The following DLGAP2 variants were observed in gnomAD, a reference collection of about 807,000 sequenced individuals.
DLGAP2 encodes the protein DLG associated protein 2, also known as disks large-associated protein 2.
DLGAP2 carries 26 observed loss-of-function variants against 100.3 expected under a neutral mutation model. That is an observed-to-expected ratio of 0.26 (90% CI 0.19 to 0.36). DLGAP2 has a LOEUF of 0.36. Ranked by LOEUF, DLGAP2 falls within the 10% of genes least tolerant of loss-of-function variation. The pLI, the probability that DLGAP2 is intolerant of heterozygous loss-of-function variation, is 1.00. For missense variants in DLGAP2, 1,858 were observed against 1,453.2 expected, an observed-to-expected ratio of 1.28 and a Z score of -4.53; for synonymous variants, 886 against 630.1, an observed-to-expected ratio of 1.41 and a Z score of -6.08.
At chr8:1,511,686 A>G (rs1321823560) in intron 4 of DLGAP2, among the ~76,000 whole-genome samples, 172 of 135,762 alleles carry the variant, frequency 1.3e-3, no homozygotes, top group African/African-American at 2.8e-3. Flanking sequence ...AGGACAATCA[A>G]TAGATGACCA....
At chr8:1,670,387 C>A (rs980127279) in intron 10 of DLGAP2, among the ~76,000 whole-genome samples, 1 of 152,214 alleles carries the variant, frequency 6.6e-6, no homozygotes, top group African/African-American at 2.4e-5. Context: ...GGCATGGCAG[C>A]CTCTGCTGAG....
intron 4 of DLGAP2, among the ~76,000 whole-genome samples, chr8:1,517,788 A>G (rs1800444604): frequency 6.6e-6 from 1 of 152,142 alleles, no homozygotes; most frequent in Non-Finnish European, 1.5e-5. Flanking sequence ...TGCTTGTTGG[A>G]TTAGGGATCA....
chr8:1,312,591 C>A (rs188905237), intron 3 of DLGAP2, among the ~76,000 whole-genome samples: 60 of 152,286 alleles, frequency 3.9e-4, no homozygotes, highest in Admixed American at 1.7e-3. Context: ...TTTGGACATG[C>A]AATGCATGTG....
intron 1 of DLGAP2, among the ~76,000 whole-genome samples, chr8:883,008 C>T (rs1797842006): frequency 6.6e-6 from 1 of 152,252 alleles, no homozygotes; most frequent in Non-Finnish European, 1.5e-5. Context: ...CCCTGTGCTC[C>T]ACACGGGCTC....
intron 3 of DLGAP2, among the ~76,000 whole-genome samples, chr8:1,378,460 T>G (rs926940139): frequency 6.6e-6 from 1 of 151,314 alleles, no homozygotes; most frequent in Non-Finnish European, 1.5e-5. Flanking sequence ...TGCGCACACC[T>G]GACTTCGCCT....
At chr8:900,952 A>T (rs148526979) in intron 1 of DLGAP2, among the ~76,000 whole-genome samples, 1 of 152,180 alleles carries the variant, frequency 6.6e-6, no homozygotes, top group Non-Finnish European at 1.5e-5. Context: ...AAGTGGAAGG[A>T]TATGAGTTTT....
chr8:1,348,994 A>G (rs1050045512), intron 3 of DLGAP2, among the ~76,000 whole-genome samples: 1 of 152,042 alleles, frequency 6.6e-6, no homozygotes, highest in South Asian at 2.1e-4. Context: ...TATTCTTAGC[A>G]TTCATTTATC....
chr8:928,094 C>T (rs1798857657), intron 2 of DLGAP2, among the ~76,000 whole-genome samples: 1 of 152,176 alleles, frequency 6.6e-6, no homozygotes, highest in African/African-American at 2.4e-5. Flanking sequence ...TGTGGCAGGT[C>T]CTGTGACTGG....
chr8:915,559 A>AG (rs1476147772), intron 2 of DLGAP2, among the ~76,000 whole-genome samples: 2 of 144,500 alleles, frequency 1.4e-5, no homozygotes, highest in Non-Finnish European at 3.1e-5. Flanking sequence ...AAAAAAAAAA[A>AG]GAAACCCATC....
chr8:845,605 GGT>G (rs1345668786), intron 1 of DLGAP2, among the ~76,000 whole-genome samples: 2 of 152,052 alleles, frequency 1.3e-5, no homozygotes, highest in African/African-American at 2.4e-5. Flanking sequence ...CATTCTATAG[GGT>G]GTGTTTTCAC....
chr8:1,133,973 C>G (rs1471364598), intron 2 of DLGAP2, among the ~76,000 whole-genome samples: 1 of 151,936 alleles, frequency 6.6e-6, no homozygotes, highest in East Asian at 1.9e-4. Flanking sequence ...CCATTAGTTA[C>G]TTTTCCTACT....
chr8:1,017,373 T>A (rs372627522), intron 2 of DLGAP2, among the ~76,000 whole-genome samples: 2 of 4,916 alleles, frequency 4.1e-4, no homozygotes, highest in East Asian at 1.7e-3. Context: ...CCACTGTGTG[T>A]GACCAGGACA....
intron 2 of DLGAP2, among the ~76,000 whole-genome samples, chr8:1,218,433 G>A (rs930448462): frequency 3.3e-5 from 5 of 152,114 alleles, no homozygotes; most frequent in Non-Finnish European, 7.4e-5. Flanking sequence ...TCTCTATCCC[G>A]TTCCATTGGT....
At chr8:1,028,580 A>C (rs1801885263) in intron 2 of DLGAP2, among the ~76,000 whole-genome samples, 1 of 152,210 alleles carries the variant, frequency 6.6e-6, no homozygotes, top group African/African-American at 2.4e-5. Flanking sequence ...CAGATGTGCC[A>C]GGCGTGGCTG....
chr8:1,196,310 A>G (rs566142588), intron 2 of DLGAP2, among the ~76,000 whole-genome samples: 2 of 152,312 alleles, frequency 1.3e-5, no homozygotes, highest in African/African-American at 4.8e-5. Context: ...AGTGACAACT[A>G]TTTCCCAAGC....
chr8:1,457,975 CATATATAT>C (rs57897392), intron 3 of DLGAP2, among the ~76,000 whole-genome samples: 2,879 of 107,704 alleles, frequency 0.027, 70 homozygotes, highest in Admixed American at 0.036. Flanking sequence ...GTTCTCTGAT[CATATATAT>C]ATATATATAT....
chr8:1,427,720 G>C (rs1036352708), intron 3 of DLGAP2, among the ~76,000 whole-genome samples: 1 of 152,136 alleles, frequency 6.6e-6, no homozygotes, highest in Non-Finnish European at 1.5e-5. Context: ...CTCTTCTCTT[G>C]TCTGCTGCCA....
chr8:1,030,827 C>T (rs1801950150), intron 2 of DLGAP2, among the ~76,000 whole-genome samples: 1 of 152,134 alleles, frequency 6.6e-6, no homozygotes, highest in Non-Finnish European at 1.5e-5. Context: ...GCCAGCGGGG[C>T]CGCGGGCGGG....
intron 3 of DLGAP2, among the ~76,000 whole-genome samples, chr8:1,268,488 C>T (rs112483076): frequency 3.3e-5 from 5 of 152,182 alleles, no homozygotes; most frequent in African/African-American, 2.4e-5. Context: ...CTGTCTTCCG[C>T]GTTAGAGTGT....
Sources: allele counts gnomAD v4.1 joint callset (sites outside exome capture counted in the v4.1 genomes callset), GRCh38; gene constraint gnomAD v4.1.1; transcripts MANE v1.5; gene names NCBI Gene and HGNC (gene_info 2026-07-23, HGNC 2026-07-21).